GYS2: variants seen among roughly 807,000 people sequenced by gnomAD.
GYS2 encodes the protein glycogen [starch] synthase, liver.
Under a neutral mutation model 85.6 loss-of-function variants are expected in GYS2, and 80 were observed. The ratio of observed to expected loss-of-function variants is 0.93; its 90% CI spans 0.78 to 1.13. The LOEUF (loss-of-function observed/expected upper bound fraction) is 1.13. Ranked by LOEUF, GYS2 falls within the 50% of genes most tolerant of loss-of-function variation. The pLI is 0.00. For missense variants in GYS2, 881 were observed against 854.9 expected (o/e 1.03, Z -0.38); for synonymous variants, 328 against 300.7 (o/e 1.09, Z -0.94).
intron 2 of GYS2, among the ~76,000 whole-genome samples, chr12:21,576,636 T>C (rs1944450333): frequency 6.6e-6 from 1 of 152,194 alleles, no homozygotes; most frequent in South Asian, 2.1e-4. Flanking sequence ...CATTATCTCT[T>C]TAATCTAGTA....
chr12:21,547,134 C>T (rs973540222), intron 11 of GYS2, among the ~76,000 whole-genome samples: 14 of 152,160 alleles, frequency 9.2e-5, no homozygotes, highest in African/African-American at 3.4e-4. Context: ...TCAGTGGCTT[C>T]CCATTTTACT....
chr12:21,566,347 G>A (rs1432094031), intron 5 of GYS2, among the ~76,000 whole-genome samples: 4 of 151,162 alleles, frequency 2.6e-5, no homozygotes, highest in African/African-American at 7.3e-5. Flanking sequence ...TACACTATGT[G>A]ATCTTTTTTT....
intron 1 of GYS2, among the ~76,000 whole-genome samples, chr12:21,592,810 A>T (rs553964882): frequency 4.6e-5 from 7 of 152,180 alleles, no homozygotes; most frequent in South Asian, 2.1e-4. Flanking sequence ...ACAATATTTC[A>T]TCCAACAGCT....
intron 5 of GYS2, among the ~76,000 whole-genome samples, chr12:21,567,615 G>A (rs1944336792): frequency 6.7e-6 from 1 of 149,778 alleles, no homozygotes; most frequent in South Asian, 2.1e-4. Context: ...CTAGAGACAA[G>A]ACCACAGAAA....
In GYS2 at chr12:21,600,644, G is replaced by A. The variant is rs1229257289; in HGVS notation, c.121+3828C>T. 2.0e-5 allele frequency among the ~76,000 whole-genome samples: 3 copies of A among 152,094 alleles called. No homozygotes were observed. The East Asian group carries it at 5.8e-4, about 29-fold the overall frequency. On this transcript the variant is annotated intron_variant, in intron 1 of 15. Transcript: ENST00000261195. ...GTTGTTCTTTACGGCAATTACAGGG[G>A]CCTTCAGGAAGCTGATGGAAGTGTG...
chr12:21,534,665 G>A (rs1225362411), downstream of GYS2, among the ~76,000 whole-genome samples: 1 of 152,172 alleles, frequency 6.6e-6, no homozygotes, highest in Non-Finnish European at 1.5e-5. Context: ...AAAAATATCA[G>A]TGGGTTTATC....
intron 7 of GYS2, among the ~76,000 whole-genome samples, chr12:21,561,513 T>C (rs369424990): frequency 2.8e-5 from 2 of 70,310 alleles, no homozygotes; most frequent in African/African-American, 8.7e-5. Flanking sequence ...AAAAAATAAA[T>C]GTACTATGTG....
intron 5 of GYS2, among the ~76,000 whole-genome samples, chr12:21,564,945 C>A (rs1944300063): frequency 1.3e-5 from 2 of 152,108 alleles, no homozygotes; most frequent in African/African-American, 2.4e-5. Context: ...CAGGAGTTTC[C>A]ACCCTTTTGA....
In GYS2 at chr12:21,540,501, C is replaced by T; in HGVS notation, c.1718G>A (p.Gly573Glu). 6.2e-7 allele frequency: 1 copy of T among 1,613,902 alleles called. No individual in the cohort carries two copies. The highest frequency in any genetic ancestry group is 1.1e-5 in the South Asian group (1 of 91,072). Reference sequence around the variant, plus strand: ...TTGGCGGCGTGACTGTTTGCAAAATCCATAGAGAAACTTAGTCAGCTGATT... The same window carrying T: ...TTGGCGGCGTGACTGTTTGCAAAATTCATAGAGAAACTTAGTCAGCTGATT... ...SCNQLTKFLY[G>E]FCKQSRRQRI... The change falls in exon 14 of 16, where the codon GGA becomes GAA. Residue 573 changes from glycine to glutamate, a missense_variant. Physicochemically the swap from Gly to Glu is moderately conservative, Grantham distance 98. Transcript: ENST00000261195.
chr12:21,580,885 A>G (rs1438474369), intron 1 of GYS2, among the ~76,000 whole-genome samples: 1 of 152,168 alleles, frequency 6.6e-6, no homozygotes, highest in Non-Finnish European at 1.5e-5. Context: ...ACAAATACCC[A>G]TTGTCATCAT....
At chr12:21,575,425 G>C (rs554193780) in intron 3 of GYS2, among the ~76,000 whole-genome samples, 195 of 152,266 alleles carry the variant, frequency 1.3e-3, no homozygotes, top group Non-Finnish European at 2.4e-3. Context: ...ATTGAAGAAG[G>C]CTGAGCAGAG....
chr12:21,562,567 C>G lies in GYS2; in HGVS notation c.1062+351G>C, dbSNP rs190703610. Among the ~76,000 whole-genome samples, 7 of 151,914 alleles carry G rather than the reference C, an allele frequency of 4.6e-5. No individual in the cohort carries two copies. In the East Asian group the frequency reaches 1.2e-3, roughly 25 times the overall value. On this transcript the variant is annotated intron_variant, in intron 7 of 15. Coordinates refer to ENST00000261195, the MANE Select transcript of GYS2 (RefSeq NM_021957.4). ...TTTGCTCTGCATTTACTGGATTTCT[C>G]TATATTTACTTTTCAATTGATTACA... is the stretch of plus-strand genomic sequence containing the variant.
In GYS2 at chr12:21,536,270, G is replaced by C. The variant is rs746414953; in HGVS notation, c.*684C>G. On this transcript the variant is annotated 3_prime_UTR_variant, in exon 16 of 16. Coordinates refer to ENST00000261195, the MANE Select transcript of GYS2 (RefSeq NM_021957.4). ...TGAAGATTGACCAAATTTTAAAAAG[G>C]CTTTCTATTTAAACAATAGAAAAAT... 5.9e-5 allele frequency: 9 copies of C among 152,230 alleles called. No individual in the cohort carries two copies. The highest frequency in any genetic ancestry group is 9.6e-5 in the African/African-American group (4 of 41,528). 9.4% of individuals were successfully genotyped at this position (152,230 alleles called of 1,614,324 possible). A position where few individuals can be genotyped will look rare whatever the true frequency, so the allele number is the denominator to read the frequency against.
chr12:21,584,353 A>G (rs1944549093), intron 1 of GYS2, among the ~76,000 whole-genome samples: 1 of 136,910 alleles, frequency 7.3e-6, no homozygotes, highest in African/African-American at 2.8e-5. Flanking sequence ...AAAACTACAA[A>G]GATATTTTCA....
At chr12:21,559,550 T>G in intron 9 of GYS2, 101 bp downstream of exon 9, 1 of 757,812 alleles carries the variant, frequency 1.3e-6, no homozygotes, top group Non-Finnish European at 2.3e-6. Flanking sequence ...TATTAATTCC[T>G]TGATATTTGG....
At chr12:21,577,282 A>T (rs956090021) in intron 2 of GYS2, among the ~76,000 whole-genome samples, 1 of 152,210 alleles carries the variant, frequency 6.6e-6, no homozygotes, top group African/African-American at 2.4e-5. Context: ...ATAACATGTA[A>T]TATTACTATA....
chr12:21,536,057 T>C (rs1943907325), downstream of GYS2: 2 of 152,206 alleles, frequency 1.3e-5, no homozygotes, highest in South Asian at 2.1e-4. Context: ...GCTTCCCACA[T>C]GTTATTCGAA....
downstream of GYS2, among the ~76,000 whole-genome samples, chr12:21,533,191 T>C (rs1232708278): frequency 6.6e-6 from 1 of 152,198 alleles, no homozygotes; most frequent in East Asian, 1.9e-4. Flanking sequence ...TTTGCCTCTA[T>C]AGCCTACCTC....
chr12:21,561,626 T>C (rs1944254332), intron 7 of GYS2, among the ~76,000 whole-genome samples: 1 of 152,332 alleles, frequency 6.6e-6, no homozygotes, highest in Admixed American at 6.5e-5. Context: ...ATAAAGTGAA[T>C]ATTTAATAAC....
Sources: gnomAD v4.1 joint callset for allele counts (sites outside exome capture counted in the v4.1 genomes callset) on GRCh38, gnomAD v4.1.1 for gene constraint, MANE v1.5 for transcripts, NCBI Gene and HGNC (gene_info 2026-07-23, HGNC 2026-07-21) for gene names.